SOX6: variants seen among roughly 807,000 people sequenced by gnomAD.
SOX6 encodes transcription factor SOX-6.
SOX6 carries 11 observed loss-of-function variants against 97.8 expected under a neutral mutation model. The ratio of observed to expected loss-of-function variants is 0.11; its 90% CI spans 0.07 to 0.19. The LOEUF (loss-of-function observed/expected upper bound fraction) is 0.19, where lower values mean the gene tolerates loss of function less well. Among genes scored for constraint, SOX6 ranks in the 10% least tolerant of loss-of-function variants. The probability of loss-of-function intolerance (pLI) is 1.00; values close to 1 mark genes in which losing one functional copy is unlikely to be tolerated. For missense variants in SOX6, 810 were observed against 1,039.5 expected, an observed-to-expected ratio of 0.78 and a Z score of 3.04; for synonymous variants, 360 against 371.4, an observed-to-expected ratio of 0.97 and a Z score of 0.35.
At chr11:16,248,629 T>G (rs1043860814) in intron 3 of SOX6, among the ~76,000 whole-genome samples, 67 of 152,330 alleles carry the variant, frequency 4.4e-4, no homozygotes, top group African/African-American at 7.9e-4. Context: ...CAGCAGGAGC[T>G]GAAGCATCTG....
At chr11:16,112,921 T>A (rs1849264952) in intron 6 of SOX6, among the ~76,000 whole-genome samples, 1 of 152,118 alleles carries the variant, frequency 6.6e-6, no homozygotes, top group South Asian at 2.1e-4. Flanking sequence ...CAAAAGAAAT[T>A]ATCTTTAAGT....
chr11:16,126,457 C>T (rs1849616440), intron 6 of SOX6, among the ~76,000 whole-genome samples: 1 of 152,034 alleles, frequency 6.6e-6, no homozygotes, highest in African/African-American at 2.4e-5. Flanking sequence ...AGGTCTTTGT[C>T]CAGCTGTGAC....
intron 4 of SOX6, among the ~76,000 whole-genome samples, chr11:16,482,397 T>C (rs1291884034): frequency 6.6e-6 from 1 of 152,206 alleles, no homozygotes; most frequent in Admixed American, 6.5e-5. Flanking sequence ...TATTTTATTA[T>C]GCAATATTGT....
chr11:16,387,360 A>G (rs1223850688), intron 1 of SOX6, among the ~76,000 whole-genome samples: 2 of 152,144 alleles, frequency 1.3e-5, no homozygotes, highest in African/African-American at 2.4e-5. Flanking sequence ...GTGACTGCAA[A>G]GCAAAATCAC....
intron 3 of SOX6, among the ~76,000 whole-genome samples, chr11:16,644,943 G>C (rs1168344662): frequency 6.6e-6 from 1 of 152,138 alleles, no homozygotes; most frequent in Admixed American, 6.5e-5. Flanking sequence ...GTATTTCCTA[G>C]AGACCATTTT....
intron 2 of SOX6, among the ~76,000 whole-genome samples, chr11:16,331,684 T>C (rs1175833524): frequency 6.6e-6 from 1 of 152,152 alleles, no homozygotes; most frequent in Non-Finnish European, 1.5e-5. Context: ...ATGTTACTTA[T>C]AAAACAATGA....
chr11:16,591,318 C>CATAGATAGATAGATAG (rs61285320), intron 4 of SOX6, among the ~76,000 whole-genome samples: 141 of 123,544 alleles, frequency 1.1e-3, no homozygotes, highest in African/African-American at 4.0e-3. Context: ...TGGTTAGATA[C>CATAGATAGATAGATAG]ATAGATAGAT....
At chr11:16,545,417 T>C (rs1430679524) in intron 4 of SOX6, among the ~76,000 whole-genome samples, 1 of 150,556 alleles carries the variant, frequency 6.6e-6, no homozygotes, top group African/African-American at 2.4e-5. Context: ...CACCTCTTCA[T>C]GATAAAAACT....
At chr11:16,360,632 A>G (rs1198108587), upstream of SOX6, among the ~76,000 whole-genome samples, 2 of 152,182 alleles carry the variant, frequency 1.3e-5, no homozygotes, top group Admixed American at 6.5e-5. Context: ...TGTATCCCCC[A>G]AGATAACTGG....
intron 3 of SOX6, among the ~76,000 whole-genome samples, chr11:16,260,816 G>T (rs766880397): frequency 3.9e-5 from 6 of 151,934 alleles, no homozygotes; most frequent in Non-Finnish European, 7.4e-5. Flanking sequence ...AGCTTAAAAG[G>T]TCCCCCATGT....
intron 12 of SOX6, among the ~76,000 whole-genome samples, chr11:16,031,270 A>C (rs1289982626): frequency 6.6e-6 from 1 of 152,186 alleles, no homozygotes; most frequent in African/African-American, 2.4e-5. Context: ...GAAGCTCAGC[A>C]TCCATGTTCA....
chr11:16,238,998 T>C (rs1173019439), intron 3 of SOX6, among the ~76,000 whole-genome samples: 3 of 152,120 alleles, frequency 2.0e-5, no homozygotes, highest in African/African-American at 7.2e-5. Flanking sequence ...AAAGTATCCA[T>C]GACCTTGGTT....
intron 1 of SOX6, among the ~76,000 whole-genome samples, chr11:16,426,960 T>C (rs1036144204): frequency 1.6e-5 from 2 of 128,450 alleles, no homozygotes; most frequent in Admixed American, 7.6e-5. Flanking sequence ...TTACACCATA[T>C]ACAAAAATTA....
At chr11:16,625,752 T>C (rs1427997690) in intron 3 of SOX6, among the ~76,000 whole-genome samples, 2 of 152,224 alleles carry the variant, frequency 1.3e-5, no homozygotes, top group Non-Finnish European at 1.5e-5. Flanking sequence ...AACTTCCAGA[T>C]TGGTAAACAC....
At chr11:16,690,219 A>G (rs1008695197) in intron 3 of SOX6, among the ~76,000 whole-genome samples, 6 of 152,096 alleles carry the variant, frequency 3.9e-5, no homozygotes, top group Non-Finnish European at 8.8e-5. Context: ...GCCTTGTCCC[A>G]TGATTTTTTT....
intron 4 of SOX6, among the ~76,000 whole-genome samples, chr11:16,211,769 G>A (rs936590532): frequency 2.0e-5 from 3 of 152,100 alleles, no homozygotes; most frequent in African/African-American, 7.2e-5. Context: ...AAAGAGAAAG[G>A]GAAATCACTA....
intron 6 of SOX6, among the ~76,000 whole-genome samples, chr11:16,117,400 A>AGGCAAC (rs1849376753): frequency 6.6e-6 from 1 of 152,140 alleles, no homozygotes; most frequent in South Asian, 2.1e-4. Context: ...AAACAAGCAA[A>AGGCAAC]GGCAACGAGG....
intron 4 of SOX6, chr11:16,484,324 A>C (rs1860395017): frequency 1.1e-6 from 1 of 927,636 alleles, no homozygotes. Flanking sequence ...TCCCAGGCTT[A>C]AAGCCAGTTG....
At chr11:16,572,150 T>G (rs1382825664) in intron 4 of SOX6, among the ~76,000 whole-genome samples, 2 of 132,402 alleles carry the variant, frequency 1.5e-5, no homozygotes, top group Non-Finnish European at 3.1e-5. Context: ...TTGCTTATAA[T>G]CAAAAAAAAA....
Sources: gnomAD v4.1 joint callset for allele counts (sites outside exome capture counted in the v4.1 genomes callset) on GRCh38, gnomAD v4.1.1 for gene constraint, MANE v1.5 for transcripts, NCBI Gene and HGNC (gene_info 2026-07-23, HGNC 2026-07-21) for gene names.